ZRANB3: variants seen among roughly 807,000 people sequenced by gnomAD.
ZRANB3 encodes zinc finger RANBP2-type containing 3.
In ZRANB3, 125 loss-of-function variants were observed where a neutral mutation model predicts 133.8. That is an observed-to-expected ratio of 0.93 (90% CI 0.81 to 1.08). The LOEUF (loss-of-function observed/expected upper bound fraction) is 1.08, where lower values mean the gene tolerates loss of function less well. ZRANB3 is among the 50% of genes least tolerant of loss of function. The pLI is 0.00. For synonymous variants in ZRANB3, 387 were observed against 432.7 expected, an observed-to-expected ratio of 0.89 and a Z score of 1.31; for missense variants, 1,229 against 1,275.5, an observed-to-expected ratio of 0.96 and a Z score of 0.56.
In ZRANB3 at chr2:135,321,595, T is replaced by C. The variant is rs777114757; in HGVS notation, c.678-6065A>G. 1.7e-4 allele frequency among the ~76,000 whole-genome samples: 26 copies of C among 151,888 alleles called. No individual in the cohort carries two copies. The East Asian group carries it at 2.3e-3, about 14-fold the overall frequency. On this transcript the variant is annotated intron_variant, in intron 6 of 20. Transcript: ENST00000264159. ...TTCAAGCGATTCTCCTGCCTCAGCC[T>C]CCTGAGTAGCTAGGACTACAGGTGT...
At chr2:135,312,133 A>T (rs202148054) in intron 8 of ZRANB3, among the ~76,000 whole-genome samples, 1,066 of 98,348 alleles carry the variant, frequency 0.011, 15 homozygotes, top group East Asian at 0.029. Flanking sequence ...ATTTTATTTT[A>T]TTATTTTATT....
chr2:135,224,158 T>C (rs182411051), intron 15 of ZRANB3, among the ~76,000 whole-genome samples: 3 of 152,252 alleles, frequency 2.0e-5, no homozygotes, highest in East Asian at 3.9e-4. Context: ...GTTGAGGAAA[T>C]TGATGCACTG....
intron 6 of ZRANB3, among the ~76,000 whole-genome samples, chr2:135,343,551 A>C (rs1255302923): frequency 6.7e-6 from 1 of 149,748 alleles, no homozygotes; most frequent in East Asian, 1.9e-4. Context: ...TTTAAAAAGC[A>C]TCAGAAAACC....
intron 2 of ZRANB3, among the ~76,000 whole-genome samples, chr2:135,434,518 A>G (rs537507901): frequency 2.6e-5 from 4 of 152,380 alleles, no homozygotes; most frequent in Admixed American, 6.5e-5. Flanking sequence ...AACAGCCCTC[A>G]AAACACAGGG....
At chr2:135,381,640 G>C (rs1487425469) in intron 3 of ZRANB3, among the ~76,000 whole-genome samples, 1 of 152,178 alleles carries the variant, frequency 6.6e-6, no homozygotes, top group Admixed American at 6.5e-5. Flanking sequence ...ATCCCTCAGA[G>C]ATGAAACTTC....
chr2:135,475,487 TAG>T (rs1194042574), intron 2 of ZRANB3, among the ~76,000 whole-genome samples: 4 of 152,214 alleles, frequency 2.6e-5, no homozygotes, highest in Non-Finnish European at 5.9e-5. Context: ...CTCAATTTCA[TAG>T]AGTTTTAAGA....
chr2:135,433,004 T>G (rs1210699218), intron 2 of ZRANB3, among the ~76,000 whole-genome samples: 1 of 152,118 alleles, frequency 6.6e-6, no homozygotes, highest in Non-Finnish European at 1.5e-5. Context: ...CATGGAGAAG[T>G]CATCAGTTTA....
intron 3 of ZRANB3, among the ~76,000 whole-genome samples, chr2:135,368,146 AT>A (rs2104895584): frequency 6.6e-6 from 1 of 152,206 alleles, no homozygotes; most frequent in East Asian, 1.9e-4. Flanking sequence ...TTTATTAAAT[AT>A]TATTCATGTC....
At chr2:135,233,199 G>A (rs1376436638) in intron 12 of ZRANB3, among the ~76,000 whole-genome samples, 2 of 152,204 alleles carry the variant, frequency 1.3e-5, no homozygotes, top group Non-Finnish European at 2.9e-5. Flanking sequence ...ATCAGTGATG[G>A]AAGATCAAAT....
intron 3 of ZRANB3, among the ~76,000 whole-genome samples, chr2:135,353,845 C>A (rs538932054): frequency 6.6e-6 from 1 of 151,638 alleles, no homozygotes; most frequent in Non-Finnish European, 1.5e-5. Flanking sequence ...TATAAAAAAA[C>A]GTACAAAAAA....
chr2:135,266,219 G>A (rs984347632), intron 11 of ZRANB3, among the ~76,000 whole-genome samples: 1 of 152,080 alleles, frequency 6.6e-6, no homozygotes, highest in Non-Finnish European at 1.5e-5. Flanking sequence ...AAGCTGACCA[G>A]CATTAACATT....
chr2:135,510,347 G>A (rs1344098669), intron 1 of ZRANB3, among the ~76,000 whole-genome samples: 2 of 152,162 alleles, frequency 1.3e-5, no homozygotes, highest in Non-Finnish European at 2.9e-5. Flanking sequence ...AAAATTGGAA[G>A]TGAAAGACTA....
At chr2:135,354,607 T>G (rs1685349885) in intron 3 of ZRANB3, among the ~76,000 whole-genome samples, 1 of 152,162 alleles carries the variant, frequency 6.6e-6, no homozygotes, top group African/African-American at 2.4e-5. Context: ...AAAAAAAGAA[T>G]GAACTCATGC....
At chr2:135,413,626 AG>A (rs1688412601) in intron 2 of ZRANB3, among the ~76,000 whole-genome samples, 1 of 152,190 alleles carries the variant, frequency 6.6e-6, no homozygotes, top group Admixed American at 6.6e-5. Flanking sequence ...ACAGAGATCT[AG>A]GGTATTTATA....
At chr2:135,242,357 T>C (rs1290401882) in intron 12 of ZRANB3, among the ~76,000 whole-genome samples, 1 of 151,854 alleles carries the variant, frequency 6.6e-6, no homozygotes, top group Non-Finnish European at 1.5e-5. Flanking sequence ...GTAAAAGATA[T>C]CCAGAAGAAA....
intron 9 of ZRANB3, among the ~76,000 whole-genome samples, chr2:135,275,332 G>A (rs1004935654): frequency 6.8e-6 from 1 of 147,428 alleles, no homozygotes; most frequent in African/African-American, 2.7e-5. Flanking sequence ...GGGGTGGCTG[G>A]CCAGGCGGGG....
At chr2:135,292,188 T>C (rs1439328848) in intron 8 of ZRANB3, among the ~76,000 whole-genome samples, 1 of 152,208 alleles carries the variant, frequency 6.6e-6, no homozygotes, top group Non-Finnish European at 1.5e-5. Context: ...TCCACAATGG[T>C]TGAACTAGTT....
chr2:135,363,685 GA>G (rs1297829989), intron 3 of ZRANB3, among the ~76,000 whole-genome samples: 2 of 152,070 alleles, frequency 1.3e-5, no homozygotes, highest in South Asian at 2.1e-4. Flanking sequence ...GAAATGGGGG[GA>G]AAAAGTCCAA....
At chr2:135,507,984 GAGAGAAT>G (rs1693271069) in intron 1 of ZRANB3, among the ~76,000 whole-genome samples, 1 of 149,362 alleles carries the variant, frequency 6.7e-6, no homozygotes, top group African/African-American at 2.4e-5. Flanking sequence ...AAAAGAGAGA[GAGAGAAT>G]AACAAAACAA....
Sources: allele counts gnomAD v4.1 joint callset (sites outside exome capture counted in the v4.1 genomes callset), GRCh38; gene constraint gnomAD v4.1.1; transcripts MANE v1.5; gene names NCBI Gene and HGNC (gene_info 2026-07-23, HGNC 2026-07-21).